Variants in ST3GAL6 observed in about 807,000 individuals in gnomAD.
The protein encoded by ST3GAL6 is ST3 beta-galactoside alpha-2,3-sialyltransferase 6.
ST3GAL6 carries 31 observed loss-of-function variants against 40.5 expected under a neutral mutation model. The observed-to-expected ratio is 0.77, with a 90% CI of 0.58 to 1.03. The LOEUF (loss-of-function observed/expected upper bound fraction) is 1.03. Ranked by LOEUF, ST3GAL6 falls within the 50% of genes least tolerant of loss-of-function variation. The pLI, the probability that ST3GAL6 is intolerant of heterozygous loss-of-function variation, is 0.00. For synonymous variants in ST3GAL6, 129 were observed against 136.9 expected, an observed-to-expected ratio of 0.94 and a Z score of 0.40; for missense variants, 357 against 393.2, an observed-to-expected ratio of 0.91 and a Z score of 0.78.
intron 9 of ST3GAL6, among the ~76,000 whole-genome samples, chr3:98,792,244 T>A (rs1941268742): frequency 6.6e-6 from 1 of 152,202 alleles, no homozygotes; most frequent in African/African-American, 2.4e-5. Context: ...CCCATATAAG[T>A]ACAGAACCTT....
intron 1 of ST3GAL6, among the ~76,000 whole-genome samples, chr3:98,755,637 G>A (rs1470080550): frequency 6.6e-6 from 1 of 152,054 alleles, no homozygotes; most frequent in Non-Finnish European, 1.5e-5. Context: ...CATAATAATG[G>A]ACTTAAAATA....
intron 8 of ST3GAL6, 121 bp from the exon 9 acceptor site, chr3:98,791,720 T>A: frequency 1.1e-6 from 1 of 887,000 alleles, no homozygotes; most frequent in Non-Finnish European, 1.8e-6. Context: ...GAGAGTTTAG[T>A]TATTTCTCTC....
intron 1 of ST3GAL6, among the ~76,000 whole-genome samples, chr3:98,744,875 T>C (rs1048374983): frequency 6.6e-6 from 1 of 152,162 alleles, no homozygotes; most frequent in African/African-American, 2.4e-5. Context: ...TCCTTCTTCT[T>C]TGATAAAATA....
Position 98,773,987 on chromosome 3 carries a change from A to C in ST3GAL6, c.335+4A>C, listed in dbSNP as rs745955301. On this transcript the variant is annotated splice_donor_region_variant and intron_variant, in intron 5 of 9. Coordinates refer to ENST00000483910, the MANE Select transcript of ST3GAL6 (RefSeq NM_001323368.2). ...ATCTCTTTGATGAGTTTGACAAGTG[A>C]GTTTATTTCCTTGCTTCTAGTCTGG... The C allele has an allele frequency of 6.2e-7, 1 of 1,610,552 alleles. No homozygotes were observed. The highest frequency in any genetic ancestry group is 8.5e-7 in the Non-Finnish European group (1 of 1,177,332).
intron 6 of ST3GAL6, among the ~76,000 whole-genome samples, chr3:98,786,836 A>G (rs1940765262): frequency 6.6e-6 from 1 of 152,062 alleles, no homozygotes. Flanking sequence ...AATGGAAAGG[A>G]GAGCCAGGAT....
At position 98,791,913 on chromosome 3, in the gene ST3GAL6, G is replaced by A. The variant is rs751327713; in HGVS notation, c.829G>A (p.Ala277Thr). The A allele has an allele frequency of 6.2e-7, 1 of 1,614,018 alleles. No individual in the cohort carries two copies. The highest frequency in any genetic ancestry group is 1.7e-5 in the Admixed American group (1 of 60,024). Reference sequence around the variant, plus strand: ...TTACATATGTCACGAAGTTCACCTAGCTGGTTTTAAATACAACTTTTCTGA... The same window carrying A: ...TTACATATGTCACGAAGTTCACCTAACTGGTTTTAAATACAACTTTTCTGA... The part of the protein sequence containing the change: ...AFYICHEVHL[A>T]GFKYNFSDLK... Residue 277 changes from alanine (A) to threonine (T), a missense_variant, in exon 9 of 10, where the codon GCT becomes ACT. By Grantham distance (58) the Ala-to-Thr change is moderately conservative (BLOSUM62 0). Coordinates refer to ENST00000483910, the MANE Select transcript of ST3GAL6 (RefSeq NM_001323368.2).
upstream of ST3GAL6, chr3:98,763,045 G>T (rs1322512792): frequency 1.0e-6 from 1 of 985,312 alleles, no homozygotes; most frequent in Non-Finnish European, 1.2e-6. Flanking sequence ...GGTAGTAAAT[G>T]AATTGAGGAG....
chr3:98,737,788 G>A (rs1576017614), intron 1 of ST3GAL6, among the ~76,000 whole-genome samples: 1 of 152,170 alleles, frequency 6.6e-6, no homozygotes, highest in Admixed American at 6.5e-5. Context: ...TAAAGGGATG[G>A]AGAAAAGTCT....
chr3:98,771,164 A>G (rs1194979630), intron 3 of ST3GAL6: 4 of 1,482,570 alleles, frequency 2.7e-6, no homozygotes, highest in Non-Finnish European at 3.6e-6. Flanking sequence ...TGAGGAACTC[A>G]ATCAAACCAG....
chr3:98,753,540 A>G (rs1291100710), intron 1 of ST3GAL6, among the ~76,000 whole-genome samples: 1 of 152,252 alleles, frequency 6.6e-6, no homozygotes, highest in Non-Finnish European at 1.5e-5. Flanking sequence ...ATAGCTAGAG[A>G]GAAGTCAATG....
chr3:98,738,116 A>G (rs765749036), intron 1 of ST3GAL6, among the ~76,000 whole-genome samples: 12 of 96,260 alleles, frequency 1.2e-4, no homozygotes, highest in Non-Finnish European at 2.1e-4. Flanking sequence ...CTTTCCTCCT[A>G]CTCCAATTAT....
At chr3:98,741,364 A>G (rs189601308) in intron 1 of ST3GAL6, among the ~76,000 whole-genome samples, 16 of 152,276 alleles carry the variant, frequency 1.1e-4, no homozygotes, top group Admixed American at 3.3e-4. Flanking sequence ...CTTGAAGAAC[A>G]GAATCCTAAC....
At position 98,757,841 on chromosome 3, in the gene ST3GAL6, C is replaced by CT. The variant is rs896097255; in HGVS notation, c.-11-10577dup. Among the ~76,000 whole-genome samples, 826 of 144,356 alleles carry CT rather than the reference C, an allele frequency of 5.7e-3. 5 individuals are homozygous for CT. Among genetic ancestry groups the CT allele is most frequent in the Non-Finnish European group, 7.1e-3 (462 of 65,388 alleles). The allele number at this position is 144,356 out of a possible 152,430, so 94.7% of individuals were successfully genotyped here. On this transcript the variant is annotated intron_variant, in intron 1 of 9. Transcript: ENST00000265261. Reference sequence around the variant, plus strand: ...TAGTTAATTTTAACTGCTTTTTTTTCTTTTTTTTTTTTGAGACGGAGTCTT... The same window carrying CT: ...TAGTTAATTTTAACTGCTTTTTTTTCTTTTTTTTTTTTTGAGACGGAGTCTT...
chr3:98,779,352 C>A (rs1188561875), intron 5 of ST3GAL6, among the ~76,000 whole-genome samples: 1 of 152,152 alleles, frequency 6.6e-6, no homozygotes, highest in African/African-American at 2.4e-5. Context: ...AATGAGCTCA[C>A]TATTATAGGC....
At chr3:98,735,392 C>T (rs181693459) in intron 1 of ST3GAL6, among the ~76,000 whole-genome samples, 165 of 152,294 alleles carry the variant, frequency 1.1e-3, no homozygotes, top group Admixed American at 5.2e-3. Flanking sequence ...CCAGGCTGGG[C>T]TTTTTGAATA....
chr3:98,740,558 C>T (rs1379505687), intron 1 of ST3GAL6, among the ~76,000 whole-genome samples: 4 of 152,126 alleles, frequency 2.6e-5, no homozygotes, highest in Non-Finnish European at 4.4e-5. Flanking sequence ...CAGATTATAA[C>T]GTGTTCAGTT....
chr3:98,789,282 A>G (rs887744303), intron 8 of ST3GAL6, among the ~76,000 whole-genome samples: 1 of 152,226 alleles, frequency 6.6e-6, no homozygotes, highest in Non-Finnish European at 1.5e-5. Context: ...TTATATGCTG[A>G]AAACAAATGT....
At chr3:98,742,456 A>C (rs1423785611) in intron 1 of ST3GAL6, among the ~76,000 whole-genome samples, 3 of 152,184 alleles carry the variant, frequency 2.0e-5, no homozygotes, top group Non-Finnish European at 1.5e-5. Context: ...CTTGAACTTT[A>C]ATTAGCCTGA....
At chr3:98,782,420 C>T in intron 5 of ST3GAL6, 1 of 637,158 alleles carries the variant, frequency 1.6e-6, no homozygotes, top group South Asian at 1.8e-5. Context: ...CCATGACTCT[C>T]ACAATAGCCA....
Sources: allele counts gnomAD v4.1 joint callset (sites outside exome capture counted in the v4.1 genomes callset), GRCh38; gene constraint gnomAD v4.1.1; transcripts MANE v1.5; gene names NCBI Gene and HGNC (gene_info 2026-07-23, HGNC 2026-07-21).